The following RTN4RL1 variants were observed in gnomAD, a reference collection of about 807,000 sequenced individuals.
RTN4RL1 encodes reticulon 4 receptor like 1, also known as reticulon-4 receptor-like 1.
RTN4RL1 carries 7 observed loss-of-function variants against 25.6 expected under a neutral mutation model. That is an observed-to-expected ratio of 0.27 (90% CI 0.16 to 0.51). The LOEUF is 0.51. Among genes scored for constraint, RTN4RL1 ranks in the 20% least tolerant of loss-of-function variants. The pLI, the probability that RTN4RL1 is intolerant of heterozygous loss-of-function variation, is 0.97. For missense variants in RTN4RL1, 500 were observed against 615.6 expected (o/e 0.81, Z 1.99); for synonymous variants, 297 against 288.2 (o/e 1.03, Z -0.31).
chr17:2,002,272 T>C (rs2066963178), intron 1 of RTN4RL1, among the ~76,000 whole-genome samples: 1 of 151,030 alleles, frequency 6.6e-6, no homozygotes, highest in South Asian at 2.1e-4. Flanking sequence ...TCTTTCTCTC[T>C]TTCTCTTTTT....
chr17:1,985,593 T>G (rs1359533549), intron 1 of RTN4RL1, among the ~76,000 whole-genome samples: 1 of 152,230 alleles, frequency 6.6e-6, no homozygotes, highest in Non-Finnish European at 1.5e-5. Context: ...CTGGGCTGGT[T>G]CTGTCACACA....
intron 1 of RTN4RL1, among the ~76,000 whole-genome samples, chr17:1,992,293 AG>A (rs1393305244): frequency 6.9e-6 from 1 of 144,648 alleles, no homozygotes; most frequent in Non-Finnish European, 1.5e-5. Flanking sequence ...CGGGAGGCAG[AG>A]GTTGCAGTGA....
At chr17:1,999,400 C>T (rs187692333) in intron 1 of RTN4RL1, among the ~76,000 whole-genome samples, 18 of 151,266 alleles carry the variant, frequency 1.2e-4, no homozygotes, top group Admixed American at 1.1e-3. Context: ...GAACCGAGAT[C>T]GCGCCACTGC....
Position 1,969,358 on chromosome 17 carries a change from G to A in RTN4RL1, c.14-31550C>T, listed in dbSNP as rs1037238493. Among the ~76,000 whole-genome samples the A allele has an allele frequency of 3.3e-5, 5 of 152,004 alleles. 1 individual carries two copies. Among genetic ancestry groups the A allele is most frequent in the South Asian group, 4.2e-4 (2 of 4,812 alleles). ...AGGCATGAGCCACCATGCCCGGCCCGGACCACTGTCTCTAGCAAACAATCC... is the reference window on the plus strand; with the variant it reads ...AGGCATGAGCCACCATGCCCGGCCCAGACCACTGTCTCTAGCAAACAATCC... On this transcript the variant is annotated intron_variant, in intron 1 of 1. Coordinates refer to ENST00000331238, the MANE Select transcript of RTN4RL1 (RefSeq NM_178568.4).
At chr17:1,946,465 C>G (rs59769512) in intron 1 of RTN4RL1, among the ~76,000 whole-genome samples, 6,476 of 151,892 alleles carry the variant, frequency 0.043, 445 homozygotes, top group African/African-American at 0.15. Flanking sequence ...GGGTCTGTGT[C>G]CATCTATGTT....
chr17:1,999,961 C>A (rs1455661771), intron 1 of RTN4RL1, among the ~76,000 whole-genome samples: 1 of 152,230 alleles, frequency 6.6e-6, no homozygotes, highest in Non-Finnish European at 1.5e-5. Flanking sequence ...GGCCAGGTGG[C>A]CAAGTGCTGA....
intron 1 of RTN4RL1, among the ~76,000 whole-genome samples, chr17:1,970,548 G>A (rs879774453): frequency 6.6e-6 from 1 of 152,166 alleles, no homozygotes; most frequent in Non-Finnish European, 1.5e-5. Flanking sequence ...TGGGACAGGC[G>A]TGGCAGGAGG....
At chr17:1,949,015 G>GCT (rs1042534204) in intron 1 of RTN4RL1, among the ~76,000 whole-genome samples, 1 of 151,900 alleles carries the variant, frequency 6.6e-6, no homozygotes, top group African/African-American at 2.4e-5. Flanking sequence ...GGAGTGCAGT[G>GCT]GCATGATCTC....
At position 1,935,894 on chromosome 17, in the gene RTN4RL1, G is replaced by T. The variant is rs1164581524; in HGVS notation, c.*602C>A. ...GGTAATTGGTTCTTGGACCCCAGCA[G>T]TTGGACCTGGGTCTGCCAGGGTTGC... On this transcript the variant is annotated 3_prime_UTR_variant, in exon 2 of 2. Transcript: ENST00000331238. The T allele has an allele frequency of 1.0e-6, 1 of 985,628 alleles. No individual in the cohort carries two copies. Among genetic ancestry groups the T allele is most frequent in the South Asian group, 4.7e-5 (1 of 21,270 alleles). 61.1% of individuals were successfully genotyped at this position (985,628 alleles called of 1,614,324 possible).
chr17:1,973,382 A>G, intron 1 of RTN4RL1, among the ~76,000 whole-genome samples: 1 of 135,756 alleles, frequency 7.4e-6, no homozygotes, highest in Admixed American at 7.3e-5. Flanking sequence ...AAAAAAAAAA[A>G]AAGTCTGGGT....
At chr17:1,959,412 G>A (rs1463671601) in intron 1 of RTN4RL1, among the ~76,000 whole-genome samples, 6 of 152,040 alleles carry the variant, frequency 3.9e-5, no homozygotes, top group Non-Finnish European at 7.4e-5. Context: ...TGGCTCTGTC[G>A]TCTTGTCTGC....
At chr17:1,967,803 A>G (rs186359072) in intron 1 of RTN4RL1, among the ~76,000 whole-genome samples, 2 of 152,112 alleles carry the variant, frequency 1.3e-5, no homozygotes, top group East Asian at 3.9e-4. Flanking sequence ...CCACGCATGG[A>G]TAATTTTTGT....
chr17:1,963,156 G>C (rs2066773688), intron 1 of RTN4RL1, among the ~76,000 whole-genome samples: 2 of 152,102 alleles, frequency 1.3e-5, no homozygotes, highest in African/African-American at 4.8e-5. Flanking sequence ...GGGTTCCTAG[G>C]AGGAAGGCAG....
chr17:2,013,133 G>A (rs996239855), intron 1 of RTN4RL1, among the ~76,000 whole-genome samples: 1 of 152,134 alleles, frequency 6.6e-6, no homozygotes, highest in Admixed American at 6.5e-5. Flanking sequence ...TTTTAGTGGG[G>A]TCCTGATAGG....
intron 1 of RTN4RL1, among the ~76,000 whole-genome samples, chr17:1,979,293 CA>C (rs2066856799): frequency 6.7e-6 from 1 of 149,208 alleles, no homozygotes; most frequent in East Asian, 2.0e-4. Flanking sequence ...AAATAAAAAA[CA>C]AAAAACCCCA....
At chr17:1,992,504 T>G (rs1356538999) in intron 1 of RTN4RL1, among the ~76,000 whole-genome samples, 1 of 152,166 alleles carries the variant, frequency 6.6e-6, no homozygotes, top group East Asian at 1.9e-4. Context: ...TGTAGAGGGA[T>G]TGAAGCTTAA....
chr17:1,946,246 G>A (rs953751700), intron 1 of RTN4RL1, among the ~76,000 whole-genome samples: 1 of 152,220 alleles, frequency 6.6e-6, no homozygotes, highest in Non-Finnish European at 1.5e-5. Context: ...GGTCATTCAG[G>A]TCAGGCAAAT....
At chr17:1,990,254 G>A (rs947860326) in intron 1 of RTN4RL1, among the ~76,000 whole-genome samples, 2 of 152,030 alleles carry the variant, frequency 1.3e-5, no homozygotes, top group African/African-American at 4.8e-5. Context: ...AGCTACTTGC[G>A]AGGCTGAGAG....
intron 1 of RTN4RL1, among the ~76,000 whole-genome samples, chr17:1,956,300 G>A (rs555707116): frequency 6.6e-6 from 1 of 152,162 alleles, no homozygotes; most frequent in Non-Finnish European, 1.5e-5. Flanking sequence ...CGCGTACGGC[G>A]AAAGATCCAG....
Sources: allele counts gnomAD v4.1 joint callset (sites outside exome capture counted in the v4.1 genomes callset), GRCh38; gene constraint gnomAD v4.1.1; transcripts MANE v1.5; gene names NCBI Gene and HGNC (gene_info 2026-07-23, HGNC 2026-07-21).